The following GRIK1 variants were observed in gnomAD, a reference collection of about 807,000 sequenced individuals.
GRIK1 encodes glutamate receptor ionotropic, kainate 1.
A neutral mutation model predicts 105.7 loss-of-function variants in GRIK1; 69 were observed. That is an observed-to-expected ratio of 0.65 (90% CI 0.54 to 0.80). The LOEUF is 0.80. Among genes scored for constraint, GRIK1 ranks in the 30% least tolerant of loss-of-function variants. The pLI, the probability that GRIK1 is intolerant of heterozygous loss-of-function variation, is 0.00. For synonymous variants in GRIK1, 438 were observed against 431.3 expected, an observed-to-expected ratio of 1.02 and a Z score of -0.19; for missense variants, 1,109 against 1,167.3, an observed-to-expected ratio of 0.95 and a Z score of 0.73.
At chr21:29,577,206 G>T (rs780647493) in intron 13 of GRIK1, 25 bp from the exon 14 acceptor site, 8 of 1,298,920 alleles carry the variant, frequency 6.2e-6, no homozygotes, top group Non-Finnish European at 9.0e-6. Flanking sequence ...TCAGAGTAAG[G>T]GTGTTAAACA....
rs1374777058 is a variant in GRIK1, at chr21:29,689,945, G to T, written c.327C>A (p.Gly109=). The change falls in exon 3 of 18, where the codon GGC becomes GGA. Residue 109 remains glycine, a synonymous_variant. Coordinates refer to ENST00000327783, the MANE Select transcript of GRIK1 (RefSeq NM_001330994.2). The stretch of plus-strand genomic sequence containing the variant: ...CACTGACGGAGGAGCTATGGGAAGG[G>T]CCAAAGAGAGCAGCCACACCAAGAG... The part of the protein sequence containing the change: ...QLALGVAALF[G]PSHSSSVSAV... The T allele has an allele frequency of 3.2e-5, 52 of 1,602,886 alleles. No individual in the cohort carries two copies. The highest frequency in any genetic ancestry group is 4.3e-5 in the Non-Finnish European group (50 of 1,174,418).
At position 29,827,543 on chromosome 21, in the gene GRIK1, C is replaced by T. The variant is rs914775051; in HGVS notation, c.118+111840G>A. Among the ~76,000 whole-genome samples, 60 of 152,034 alleles carry T rather than the reference C, an allele frequency of 3.9e-4. 1 individual carries two copies. Among genetic ancestry groups the T allele is most frequent in the African/African-American group, 1.0e-3 (43 of 41,406 alleles). On this transcript the variant is annotated intron_variant, in intron 1 of 17. Transcript: ENST00000327783. ...CAAGTAGGGTGGACATCTCAGGTTT[C>T]CCCAAATCCTATTTTGATTAACACA...
intron 1 of GRIK1, among the ~76,000 whole-genome samples, chr21:29,772,438 T>G (rs1569075252): frequency 6.6e-6 from 1 of 152,208 alleles, no homozygotes. Flanking sequence ...AATACACTAG[T>G]GTAAACCATT....
chr21:29,935,898 C>A (rs1040486790), intron 1 of GRIK1, among the ~76,000 whole-genome samples: 1 of 151,714 alleles, frequency 6.6e-6, no homozygotes, highest in African/African-American at 2.4e-5. Context: ...ACTGTTAAGA[C>A]CCTGTTTAGG....
chr21:29,542,923 A>G (rs1470804843), intron 16 of GRIK1, among the ~76,000 whole-genome samples: 1 of 152,206 alleles, frequency 6.6e-6, no homozygotes, highest in East Asian at 1.9e-4. Flanking sequence ...AAGAAAAAGG[A>G]TGTAGGAAAA....
chr21:29,737,666 C>A lies in GRIK1; in HGVS notation c.119-43603G>T, dbSNP rs78884676. ...GCTAACACATTAAAGAAGGCTTTGC[C>A]GGCCCATCTGGGGCAACCCAAGCCT... On this transcript the variant is annotated intron_variant, in intron 1 of 17. Coordinates refer to ENST00000327783, the MANE Select transcript of GRIK1 (RefSeq NM_001330994.2). Among the ~76,000 whole-genome samples the A allele has an allele frequency of 7.9e-4, 120 of 152,322 alleles. 1 individual carries two copies. The highest frequency in any genetic ancestry group is 2.6e-3 in the African/African-American group (107 of 41,570).
chr21:29,837,179 CCT>C (rs1407035777), intron 1 of GRIK1, among the ~76,000 whole-genome samples: 1 of 152,124 alleles, frequency 6.6e-6, no homozygotes, highest in Non-Finnish European at 1.5e-5. Context: ...TTTTCACACC[CCT>C]TATATTTTCT....
chr21:29,699,652 C>G (rs1186935980), intron 1 of GRIK1, among the ~76,000 whole-genome samples: 1 of 144,414 alleles, frequency 6.9e-6, no homozygotes, highest in Non-Finnish European at 1.5e-5. Flanking sequence ...TTATCAGCAT[C>G]TTTTTTTTTT....
chr21:29,557,929 T>C (rs1049817187), intron 15 of GRIK1, among the ~76,000 whole-genome samples: 6 of 152,282 alleles, frequency 3.9e-5, no homozygotes, highest in Middle Eastern at 6.8e-3. Context: ...GCTCAGTAAA[T>C]GTTGACTGAT....
intron 7 of GRIK1, among the ~76,000 whole-genome samples, chr21:29,637,381 C>T (rs1050512078): frequency 4.6e-5 from 7 of 152,200 alleles, no homozygotes; most frequent in African/African-American, 1.7e-4. Context: ...GCTTCCTCGG[C>T]CCCTACATTC....
At chr21:29,847,501 G>A (rs2068159019) in intron 1 of GRIK1, among the ~76,000 whole-genome samples, 2 of 152,318 alleles carry the variant, frequency 1.3e-5, no homozygotes, top group South Asian at 4.1e-4. Context: ...AGCTGAGGCA[G>A]GAGAATCCCT....
rs1473371405 is a variant in GRIK1, at chr21:29,939,416, G to T, written c.85C>A (p.Leu29Ile). 2 of 1,573,170 alleles carry T rather than the reference G, an allele frequency of 1.3e-6. No individual in the cohort carries two copies. The highest frequency in any genetic ancestry group is 1.8e-5 in the Admixed American group (1 of 55,264). The part of the protein sequence containing the change: ...WALLYFLCYI[L>I]PQTAPQVLRI... The stretch of plus-strand genomic sequence containing the variant: ...AGTACTTGCGGGGCGGTCTGAGGGA[G>T]GATATAGCAGAGGAAATAGAGGAGT... The change falls in exon 1 of 18, where the codon CTC becomes ATC. Residue 29 changes from leucine to isoleucine, a missense_variant. Physicochemically the swap from Leu to Ile is conservative, Grantham distance 5. Transcript: ENST00000327783.
At chr21:29,848,942 A>C (rs1019941332) in intron 1 of GRIK1, among the ~76,000 whole-genome samples, 10 of 151,664 alleles carry the variant, frequency 6.6e-5, no homozygotes, top group African/African-American at 2.4e-4. Flanking sequence ...TCCCATGCCA[A>C]ATGTTTCTTT....
chr21:29,742,268 T>TGAG (rs1232383018), intron 1 of GRIK1, among the ~76,000 whole-genome samples: 1 of 151,490 alleles, frequency 6.6e-6, no homozygotes, highest in African/African-American at 2.4e-5. Context: ...AAACTCAAAC[T>TGAG]GAGTGTCTTT....
intron 3 of GRIK1, among the ~76,000 whole-genome samples, chr21:29,678,287 C>T (rs377222008): frequency 6.6e-6 from 1 of 152,030 alleles, no homozygotes; most frequent in African/African-American, 2.4e-5. Flanking sequence ...GGTATGTGAG[C>T]GAATTACCTG....
chr21:29,832,711 T>C (rs2067677961), intron 1 of GRIK1, among the ~76,000 whole-genome samples: 1 of 152,190 alleles, frequency 6.6e-6, no homozygotes, highest in Non-Finnish European at 1.5e-5. Flanking sequence ...AAACCATTCT[T>C]CTCTCCCAGC....
At chr21:29,732,828 C>T (rs1424449493) in intron 1 of GRIK1, among the ~76,000 whole-genome samples, 1 of 152,062 alleles carries the variant, frequency 6.6e-6, no homozygotes, top group Non-Finnish European at 1.5e-5. Context: ...TTAACTACAT[C>T]CTAGTTCTGT....
intron 3 of GRIK1, among the ~76,000 whole-genome samples, chr21:29,686,119 A>C (rs1329451369): frequency 6.6e-6 from 1 of 152,226 alleles, no homozygotes; most frequent in African/African-American, 2.4e-5. Context: ...CATGGAATCT[A>C]AGCATAGAAA....
chr21:29,637,145 A>C (rs890759317), intron 7 of GRIK1, among the ~76,000 whole-genome samples: 1 of 152,206 alleles, frequency 6.6e-6, no homozygotes, highest in Admixed American at 6.5e-5. Flanking sequence ...ATTTATGTTT[A>C]AATCAGTTTT....
Sources: gnomAD v4.1 joint callset for allele counts (sites outside exome capture counted in the v4.1 genomes callset) on GRCh38, gnomAD v4.1.1 for gene constraint, MANE v1.5 for transcripts, NCBI Gene and HGNC (gene_info 2026-07-23, HGNC 2026-07-21) for gene names.